Variants in BANK1 observed in about 807,000 individuals in gnomAD.
BANK1 encodes the protein B-cell scaffold protein with ankyrin repeats.
BANK1 carries 95 observed loss-of-function variants against 94.5 expected under a neutral mutation model. The ratio of observed to expected loss-of-function variants is 1.00; its 90% CI spans 0.85 to 1.19. The LOEUF is 1.19. Ranked by LOEUF, BANK1 falls within the 50% of genes most tolerant of loss-of-function variation. The probability of loss-of-function intolerance (pLI) is 0.00; values close to 1 mark genes in which losing one functional copy is unlikely to be tolerated. For missense variants in BANK1, 987 were observed against 932.2 expected (o/e 1.06, Z -0.77); for synonymous variants, 334 against 308.4 (o/e 1.08, Z -0.87).
intron 1 of BANK1, among the ~76,000 whole-genome samples, chr4:101,793,953 C>G (rs1725071997): frequency 6.6e-6 from 1 of 151,970 alleles, no homozygotes; most frequent in Non-Finnish European, 1.5e-5. Flanking sequence ...ACTTGAAGGA[C>G]AACTTGATGG....
intron 1 of BANK1, among the ~76,000 whole-genome samples, chr4:101,796,730 C>G (rs563034981): frequency 6.6e-6 from 1 of 152,114 alleles, no homozygotes; most frequent in Non-Finnish European, 1.5e-5. Context: ...AACGTTTTCC[C>G]ATGTTTTGTT....
At chr4:101,828,383 T>TTATATATATATATATATATATA (rs60877981) in intron 1 of BANK1, among the ~76,000 whole-genome samples, 13 of 142,172 alleles carry the variant, frequency 9.1e-5, no homozygotes, top group African/African-American at 3.3e-4. Context: ...ATGAGTGAAT[T>TTATATATATATATATATATATA]TATATATATA....
intron 7 of BANK1, among the ~76,000 whole-genome samples, chr4:101,951,456 A>T (rs548853612): frequency 6.6e-6 from 1 of 152,250 alleles, no homozygotes; most frequent in African/African-American, 2.4e-5. Context: ...GTTAGAGATA[A>T]CTAAAAACAG....
chr4:101,859,817 C>T (rs777600657), intron 3 of BANK1, among the ~76,000 whole-genome samples: 14 of 152,028 alleles, frequency 9.2e-5, no homozygotes, highest in South Asian at 2.1e-4. Flanking sequence ...AAAGGTGCTA[C>T]GATAATATAA....
chr4:101,855,933 C>A (rs1727662199), intron 3 of BANK1, among the ~76,000 whole-genome samples: 1 of 152,056 alleles, frequency 6.6e-6, no homozygotes, highest in Admixed American at 6.6e-5. Context: ...TGGAATGAAC[C>A]ACTAAAATAA....
intron 10 of BANK1, among the ~76,000 whole-genome samples, chr4:102,037,561 G>A (rs1262866231): frequency 2.0e-5 from 3 of 152,110 alleles, no homozygotes; most frequent in African/African-American, 7.2e-5. Flanking sequence ...TCCTGAGGTT[G>A]GAAAATTGAA....
chr4:101,895,864 A>T (rs952972565), intron 6 of BANK1, among the ~76,000 whole-genome samples: 4 of 151,878 alleles, frequency 2.6e-5, no homozygotes, highest in Non-Finnish European at 5.9e-5. Context: ...TACTTAAGTG[A>T]ATAAAAAGCA....
chr4:101,809,957 A>G (rs1011940771), intron 1 of BANK1, among the ~76,000 whole-genome samples: 1 of 152,192 alleles, frequency 6.6e-6, no homozygotes, highest in Non-Finnish European at 1.5e-5. Flanking sequence ...TAGAATTAAG[A>G]TTGCTAATCA....
At chr4:101,996,858 A>G (rs1233711571) in intron 7 of BANK1, among the ~76,000 whole-genome samples, 2 of 152,160 alleles carry the variant, frequency 1.3e-5, no homozygotes, top group African/African-American at 4.8e-5. Flanking sequence ...CTAAATATAC[A>G]ATCATGTCAT....
chr4:101,827,138 A>G (rs751571888), intron 1 of BANK1, among the ~76,000 whole-genome samples: 1 of 151,894 alleles, frequency 6.6e-6, no homozygotes, highest in Non-Finnish European at 1.5e-5. Context: ...AATATGGAAG[A>G]GTGAAGAAAA....
chr4:102,024,585 A>G (rs1727016113), intron 8 of BANK1, among the ~76,000 whole-genome samples: 1 of 152,092 alleles, frequency 6.6e-6, no homozygotes, highest in Non-Finnish European at 1.5e-5. Flanking sequence ...TAGGTAAAGA[A>G]CTGATCCTCA....
chr4:101,892,704 ATCTT>A (rs990702262), intron 5 of BANK1, among the ~76,000 whole-genome samples: 3 of 152,048 alleles, frequency 2.0e-5, no homozygotes, highest in East Asian at 1.9e-4. Context: ...TTTTATTTCA[ATCTT>A]TCTTTTTGAA....
chr4:102,013,363 G>T (rs1349781138), intron 7 of BANK1, among the ~76,000 whole-genome samples: 3 of 151,994 alleles, frequency 2.0e-5, no homozygotes, highest in Admixed American at 6.6e-5. Flanking sequence ...CTGGGAGAAG[G>T]CCAGCTAGTT....
chr4:101,902,370 A>G (rs554494669), intron 6 of BANK1, among the ~76,000 whole-genome samples: 1 of 152,244 alleles, frequency 6.6e-6, no homozygotes, highest in Non-Finnish European at 1.5e-5. Flanking sequence ...TTTTTCTAAA[A>G]ATGCTATTAA....
intron 7 of BANK1, among the ~76,000 whole-genome samples, chr4:101,930,292 T>C (rs759595274): frequency 4.6e-5 from 7 of 151,258 alleles, no homozygotes; most frequent in Non-Finnish European, 7.4e-5. Flanking sequence ...TATATGAATA[T>C]ATATATATTC....
intron 11 of BANK1, among the ~76,000 whole-genome samples, chr4:102,048,022 T>C (rs1727939722): frequency 6.6e-6 from 1 of 152,198 alleles, no homozygotes; most frequent in South Asian, 2.1e-4. Context: ...ATAATCAAGG[T>C]CAATTACCTC....
At chr4:102,053,991 C>T (rs1178364581) in intron 11 of BANK1, among the ~76,000 whole-genome samples, 1 of 151,432 alleles carries the variant, frequency 6.6e-6, no homozygotes, top group South Asian at 2.1e-4. Context: ...TCTTTATAAC[C>T]ACATACAAAA....
At chr4:102,057,282 C>CTCTCTCTT (rs1164867510) in intron 11 of BANK1, among the ~76,000 whole-genome samples, 3 of 151,472 alleles carry the variant, frequency 2.0e-5, no homozygotes, top group Admixed American at 6.6e-5. Flanking sequence ...CTCCTGCTCT[C>CTCTCTCTT]TCTCTCTTTC....
chr4:101,816,268 A>C (rs1725914452), intron 1 of BANK1, among the ~76,000 whole-genome samples: 2 of 152,204 alleles, frequency 1.3e-5, no homozygotes, highest in African/African-American at 4.8e-5. Flanking sequence ...GCATAGGCTC[A>C]TGTTTCCTAG....
Sources: gnomAD v4.1 joint callset for allele counts (sites outside exome capture counted in the v4.1 genomes callset) on GRCh38, gnomAD v4.1.1 for gene constraint, MANE v1.5 for transcripts, NCBI Gene and HGNC (gene_info 2026-07-23, HGNC 2026-07-21) for gene names.